The following SMC1B variants were observed in gnomAD, a reference collection of about 807,000 sequenced individuals.
SMC1B encodes structural maintenance of chromosomes protein 1B.
In SMC1B, 60 loss-of-function variants were observed where a neutral mutation model predicts 157.9. The ratio of observed to expected loss-of-function variants is 0.38; its 90% confidence interval spans 0.31 to 0.47. The LOEUF (loss-of-function observed/expected upper bound fraction) is 0.47, where lower values mean the gene tolerates loss of function less well. SMC1B is among the 20% of genes least tolerant of loss of function. The pLI is 0.99. For synonymous variants in SMC1B, 445 were observed against 483.0 expected, an observed-to-expected ratio of 0.92 and a Z score of 1.03; for missense variants, 1,165 against 1,426.2, an observed-to-expected ratio of 0.82 and a Z score of 2.95.
At chr22:45,393,909 T>C in intron 8 of SMC1B, 68 bp from the exon 9 acceptor site, 3 of 1,085,768 alleles carry the variant, frequency 2.8e-6, no homozygotes, top group Non-Finnish European at 4.0e-6. Context: ...AGGTACAACA[T>C]ACTCCTGTCT....
At chr22:45,368,601 T>C (rs185084233) in intron 15 of SMC1B, among the ~76,000 whole-genome samples, 9 of 151,986 alleles carry the variant, frequency 5.9e-5, no homozygotes, top group African/African-American at 2.2e-4. Flanking sequence ...CACTGCAATT[T>C]CTGCCTCCTG....
chr22:45,365,939 T>TTTGAAGGTA (rs1260560621), intron 15 of SMC1B, among the ~76,000 whole-genome samples: 2 of 152,208 alleles, frequency 1.3e-5, no homozygotes, highest in Non-Finnish European at 2.9e-5. Flanking sequence ...ATGACAATAT[T>TTTGAAGGTA]TTGAAGGTAT....
At chr22:45,394,801 G>A (rs898043726) in intron 7 of SMC1B, 34 bp from the exon 8 acceptor site, 12 of 1,472,570 alleles carry the variant, frequency 8.1e-6, no homozygotes, top group East Asian at 5.1e-5. Context: ...AATCAATTAC[G>A]GCAATTCCAA....
intron 4 of SMC1B, 46 bp downstream of exon 4, chr22:45,406,414 A>AG (rs1254484246): frequency 2.6e-6 from 4 of 1,520,304 alleles, no homozygotes; most frequent in Non-Finnish European, 3.6e-6. Context: ...TAACATAGAA[A>AG]GTTTTATATC....
At chr22:45,367,367 C>T (rs1555926444) in intron 15 of SMC1B, among the ~76,000 whole-genome samples, 1 of 152,170 alleles carries the variant, frequency 6.6e-6, no homozygotes, top group Non-Finnish European at 1.5e-5. Flanking sequence ...GCTTCAGCTC[C>T]AGCAAACTTT....
At position 45,385,129 on chromosome 22, in the gene SMC1B, T is replaced by C. The variant is rs1402277291; in HGVS notation, c.1912-1516A>G. 3.3e-5 allele frequency among the ~76,000 whole-genome samples: 5 copies of C among 152,184 alleles called. No individual in the cohort carries two copies. In the East Asian group the frequency reaches 9.6e-4, roughly 29 times the overall value. ...GTGGAACAGATAGAATAATTACATG[T>C]ATGTAAAGAGATTCAGGATTTTTAA... On this transcript the variant is annotated intron_variant, in intron 11 of 24. Coordinates refer to ENST00000357450, the MANE Select transcript of SMC1B (RefSeq NM_148674.5).
intron 23 of SMC1B, among the ~76,000 whole-genome samples, chr22:45,347,953 T>C (rs2086569052): frequency 6.6e-6 from 1 of 152,232 alleles, no homozygotes; most frequent in Non-Finnish European, 1.5e-5. Context: ...CTGGGAACTC[T>C]GCAGGCCGGT....
rs569917707 is a variant in SMC1B, at chr22:45,350,299, G to C, written c.3426-502C>G. On this transcript the variant is annotated intron_variant, in intron 22 of 24. Transcript: ENST00000357450. ...TTTTTTAAATTTTTTTATTTTTTGA[G>C]ATGGAGTCCCGCTCTGTCACCAGGC... Among the ~76,000 whole-genome samples the C allele has an allele frequency of 2.8e-5, 4 of 143,552 alleles. No homozygotes were observed. In the South Asian group the frequency reaches 8.7e-4, roughly 31 times the overall value. 94.2% of individuals were successfully genotyped at this position (143,552 alleles called of 152,430 possible). A position where few individuals can be genotyped will look rare whatever the true frequency, so the allele number is the denominator to read the frequency against.
intron 15 of SMC1B, among the ~76,000 whole-genome samples, chr22:45,364,276 C>A (rs754658960): frequency 6.6e-6 from 1 of 152,152 alleles, no homozygotes; most frequent in Non-Finnish European, 1.5e-5. Context: ...ACCCTGCCCC[C>A]CCACCACACC....
In SMC1B at chr22:45,413,535, A is replaced by G. The variant is rs1042006871; in HGVS notation, c.33T>C (p.Asn11=). 34 of 1,612,018 alleles carry G rather than the reference A, an allele frequency of 2.1e-5. No individual in the cohort carries two copies. Among genetic ancestry groups the G allele is most frequent in the Non-Finnish European group, 2.9e-5 (34 of 1,179,242 alleles). The change falls in exon 1 of 25, where the codon AAT becomes AAC. Residue 11 remains asparagine, a synonymous_variant. Coordinates refer to ENST00000357450, the MANE Select transcript of SMC1B (RefSeq NM_148674.5). ...CCTGGCGGCCCCGCCACGACTTGAA[A>G]TTTTCCACAAGCAGCAGCTCCAGGT... MAHLELLLVE[N]FKSWRGRQVI... is the part of the protein sequence containing the mutation.
At chr22:45,374,532 T>A (rs2086866874) in intron 12 of SMC1B, among the ~76,000 whole-genome samples, 1 of 152,262 alleles carries the variant, frequency 6.6e-6, no homozygotes, top group Admixed American at 6.5e-5. Context: ...TCTTGCCTAA[T>A]GTTTTTGAAT....
intron 12 of SMC1B, among the ~76,000 whole-genome samples, chr22:45,374,560 A>C (rs2086867065): frequency 6.6e-6 from 1 of 152,208 alleles, no homozygotes; most frequent in Admixed American, 6.5e-5. Flanking sequence ...GTTTGGACCA[A>C]ATTCTAATTT....
chr22:45,399,423 T>G lies in SMC1B; in HGVS notation c.855-70A>C, dbSNP rs1294029057. 55 of 1,388,848 alleles carry G rather than the reference T, an allele frequency of 4.0e-5. 1 individual carries two copies. The highest frequency in any genetic ancestry group is 5.3e-5 in the Non-Finnish European group (54 of 1,020,482). 86.0% of individuals were successfully genotyped at this position (1,388,848 alleles called of 1,614,324 possible). A position where few individuals can be genotyped will look rare whatever the true frequency, so the allele number is the denominator to read the frequency against. On this transcript the variant is annotated intron_variant, in intron 5 of 24. Transcript: ENST00000357450. The stretch of plus-strand genomic sequence containing the variant: ...TAATATATAAAGGGAAGAAGTTGTT[T>G]TGATCAAACCACTTTAAAAAAGAAA...
At chr22:45,392,068 T>A (rs2087065324) in intron 9 of SMC1B, among the ~76,000 whole-genome samples, 1 of 152,158 alleles carries the variant, frequency 6.6e-6, no homozygotes, top group Admixed American at 6.5e-5. Context: ...TGCCTCAGCC[T>A]CCCAAGTAGC....
At chr22:45,365,216 C>G (rs766883696) in intron 15 of SMC1B, among the ~76,000 whole-genome samples, 1 of 152,072 alleles carries the variant, frequency 6.6e-6, no homozygotes, top group African/African-American at 2.4e-5. Context: ...CATTTATATA[C>G]GGACATTCCC....
rs200018788 is a variant in SMC1B, at chr22:45,359,889, C to T, written c.2778G>A (p.Lys926=). 5.6e-6 allele frequency: 9 copies of T among 1,613,986 alleles called. No individual in the cohort carries two copies. The highest frequency in any genetic ancestry group is 6.8e-6 in the Non-Finnish European group (8 of 1,179,966). Residue 926 remains lysine (K), a synonymous_variant, in exon 18 of 25, where the codon AAG becomes AAA. Coordinates refer to ENST00000357450, the MANE Select transcript of SMC1B (RefSeq NM_148674.5). ...QTSLEQKRLE[K]HNLLLDCKVQ... ...CTTTGCAATCAAGCAGCAAGTTATGCTTCTCTAATCGTTTCTGTTCCAGAG... is the reference window on the plus strand; with the variant it reads ...CTTTGCAATCAAGCAGCAAGTTATGTTTCTCTAATCGTTTCTGTTCCAGAG...
chr22:45,345,397 TG>T, intron 24 of SMC1B, 61 bp downstream of exon 24: 6 of 946,248 alleles, frequency 6.3e-6, no homozygotes, highest in Non-Finnish European at 1.0e-5. Context: ...GCCCAGTGGC[TG>T]TCAGGGTACT....
intron 15 of SMC1B, among the ~76,000 whole-genome samples, chr22:45,369,607 A>G (rs1479149319): frequency 1.4e-5 from 2 of 145,736 alleles, no homozygotes; most frequent in South Asian, 4.3e-4. Context: ...CAGTGGCGCA[A>G]TCTCCGCTCA....
intron 19 of SMC1B, 105 bp downstream of exon 19, chr22:45,358,592 C>T: frequency 2.9e-6 from 2 of 696,556 alleles, no homozygotes; most frequent in South Asian, 2.1e-5. Flanking sequence ...ATTAGGAAAT[C>T]TTTTAAAAAA....
Sources: gnomAD v4.1 joint callset for allele counts (sites outside exome capture counted in the v4.1 genomes callset) on GRCh38, gnomAD v4.1.1 for gene constraint, MANE v1.5 for transcripts, NCBI Gene and HGNC (gene_info 2026-07-23, HGNC 2026-07-21) for gene names.